GUCA1B: variants seen among roughly 807,000 people sequenced by gnomAD.
The protein encoded by GUCA1B is guanylyl cyclase-activating protein 2.
Under a neutral mutation model 24.2 loss-of-function variants are expected in GUCA1B, and 22 were observed. That is an observed-to-expected ratio of 0.91 (90% CI 0.65 to 1.30). The LOEUF is 1.30. GUCA1B is among the 50% of genes most tolerant of loss of function. The pLI, the probability that GUCA1B is intolerant of heterozygous loss-of-function variation, is 0.00. For synonymous variants in GUCA1B, 100 were observed against 97.9 expected (o/e 1.02, Z -0.13); for missense variants, 221 against 258.8 (o/e 0.85, Z 1.00).
chr6:42,193,590 GTCCGAAA>G (rs1485854344), intron 1 of GUCA1B, among the ~76,000 whole-genome samples: 1 of 152,220 alleles, frequency 6.6e-6, no homozygotes, highest in Non-Finnish European at 1.5e-5. Context: ...GCGCTGAGAA[GTCCGAAA>G]CTGGCTCTGT....
intron 1 of GUCA1B, 101 bp from the exon 2 acceptor site, chr6:42,188,832 A>C: frequency 6.2e-6 from 7 of 1,125,452 alleles, no homozygotes; most frequent in Non-Finnish European, 9.1e-6. Context: ...CTTTTAATCC[A>C]TGTGGCCTCT....
intron 1 of GUCA1B, 138 bp from the exon 2 acceptor site, chr6:42,188,869 C>A: frequency 6.8e-6 from 5 of 732,902 alleles, no homozygotes; most frequent in Non-Finnish European, 1.1e-5. Flanking sequence ...CTTTCTCCAC[C>A]CTTGGGGTAG....
chr6:42,188,917 C>CTA (rs59863444), intron 1 of GUCA1B, among the ~76,000 whole-genome samples, 186 bp from the exon 2 acceptor site: 2 of 146,258 alleles, frequency 1.4e-5, no homozygotes, highest in Admixed American at 6.7e-5. Context: ...TATATCATCT[C>CTA]TCTCTCTCTC....
chr6:42,188,912 C>CTATCTATCTATCT (rs60440417), intron 1 of GUCA1B, among the ~76,000 whole-genome samples, 181 bp from the exon 2 acceptor site: 1 of 85,104 alleles, frequency 1.2e-5, no homozygotes, highest in African/African-American at 7.5e-5. Flanking sequence ...ATATCTATAT[C>CTATCTATCTATCT]ATCTCTCTCT....
At chr6:42,189,860 G>T (rs1768272743) in intron 1 of GUCA1B, among the ~76,000 whole-genome samples, 1 of 152,222 alleles carries the variant, frequency 6.6e-6, no homozygotes, top group Non-Finnish European at 1.5e-5. Context: ...GCTGCTGTTG[G>T]TGGCTGCAGT....
chr6:42,194,365 A>T (rs1160655223), intron 1 of GUCA1B, among the ~76,000 whole-genome samples: 2 of 152,234 alleles, frequency 1.3e-5, no homozygotes, highest in Non-Finnish European at 2.9e-5. Flanking sequence ...AAGAGGACAC[A>T]GGGAGCATCA....
chr6:42,194,626 G>A lies in GUCA1B; in HGVS notation c.195C>T (p.Phe65=), dbSNP rs1006530048. The part of the protein sequence containing the change: ...SQYVEGMFRA[F]DKNGDNTIDF... ...CAGGGTGCCTTACCCCATTCTTGTC[G>A]AAGGCTCGGAACATGCCCTCTACAT... The change falls in exon 1 of 4, where the codon TTC becomes TTT. Residue 65 remains phenylalanine, a synonymous_variant. Coordinates refer to ENST00000230361, the MANE Select transcript of GUCA1B (RefSeq NM_002098.6). The A allele has an allele frequency of 3.1e-6, 5 of 1,610,458 alleles. No homozygotes were observed. Among genetic ancestry groups the A allele is most frequent in the Admixed American group, 1.7e-5 (1 of 60,012 alleles).
chr6:42,185,295 C>T (rs1768175087), intron 3 of GUCA1B, among the ~76,000 whole-genome samples: 1 of 152,116 alleles, frequency 6.6e-6, no homozygotes, highest in Non-Finnish European at 1.5e-5. Context: ...CCCAAGCAGC[C>T]TGAATGGAGG....
Position 42,194,683 on chromosome 6 carries a change from G to A in GUCA1B, c.138C>T (p.Phe46=), listed in dbSNP as rs1475014703. 6.2e-7 allele frequency: 1 copy of A among 1,613,732 alleles called. No homozygotes were observed. Among genetic ancestry groups the A allele is most frequent in the Non-Finnish European group, 8.5e-7 (1 of 1,179,764 alleles). The change falls in exon 1 of 4, where the codon TTC becomes TTT. Residue 46 remains phenylalanine, a synonymous_variant. Transcript: ENST00000230361. Reference sequence around the variant, plus strand: ...AGGCCTCCTCATCGTCTGTGACCTTGAAGAAGCGCTTAAACTCATGCATAA... The same window carrying A: ...AGGCCTCCTCATCGTCTGTGACCTTAAAGAAGCGCTTAAACTCATGCATAA... ...TLFMHEFKRF[F]KVTDDEEASQ... is the part of the protein sequence containing the mutation.
intron 2 of GUCA1B, among the ~76,000 whole-genome samples, chr6:42,186,411 G>T (rs1162386737): frequency 6.6e-6 from 1 of 152,138 alleles, no homozygotes; most frequent in African/African-American, 2.4e-5. Context: ...TGGCCAACAT[G>T]ATGAAATCCT....
Position 42,184,676 on chromosome 6 carries a change from A to C in GUCA1B, c.*139T>G. ...ACTTCAAACCCAGCAGCCCTTCCCC[A>C]TCCCCACTCAGCCCTGCACAGGGGG... On this transcript the variant is annotated 3_prime_UTR_variant, in exon 4 of 4. Transcript: ENST00000230361. 3 of 902,550 alleles carry C rather than the reference A, an allele frequency of 3.3e-6. No individual in the cohort carries two copies. Among genetic ancestry groups the C allele is most frequent in the South Asian group, 2.6e-5 (2 of 76,092 alleles). 55.9% of individuals were successfully genotyped at this position (902,550 alleles called of 1,614,324 possible). A position where few individuals can be genotyped will look rare whatever the true frequency, so the allele number is the denominator to read the frequency against.
At chr6:42,192,872 T>C (rs1473676264) in intron 1 of GUCA1B, among the ~76,000 whole-genome samples, 1 of 152,042 alleles carries the variant, frequency 6.6e-6, no homozygotes, top group Non-Finnish European at 1.5e-5. Flanking sequence ...AGAGCGAGAC[T>C]CTGTCTCAAA....
At chr6:42,192,428 C>T (rs1768327296) in intron 1 of GUCA1B, among the ~76,000 whole-genome samples, 1 of 143,760 alleles carries the variant, frequency 7.0e-6, no homozygotes, top group Non-Finnish European at 1.5e-5. Flanking sequence ...AGAAAGAAAC[C>T]TGGCCGGGTG....
chr6:42,192,385 G>A lies in GUCA1B; in HGVS notation c.207+2229C>T, dbSNP rs1253443945. ...AAAAAAAAAAAAAAAAAAAAAGAGA[G>A]AAAAGAAAAGAAAAGAAAAGAAAAA... On this transcript the variant is annotated intron_variant, in intron 1 of 3. Coordinates refer to ENST00000230361, the MANE Select transcript of GUCA1B (RefSeq NM_002098.6). Among the ~76,000 whole-genome samples the A allele has an allele frequency of 3.1e-3, 244 of 79,934 alleles. 9 individuals are homozygous for A. The highest frequency in any genetic ancestry group is 0.014 in the African/African-American group (185 of 13,224). 52.4% of individuals were successfully genotyped at this position (79,934 alleles called of 152,430 possible). A position where few individuals can be genotyped will look rare whatever the true frequency, so the allele number is the denominator to read the frequency against.
At chr6:42,192,017 T>A (rs1582334169) in intron 1 of GUCA1B, among the ~76,000 whole-genome samples, 2 of 102,628 alleles carry the variant, frequency 1.9e-5, no homozygotes, top group African/African-American at 4.1e-5. Context: ...ATACAACAAG[T>A]AAATGCAATG....
rs572116743 is a variant in GUCA1B at position 42,187,040 on chromosome 6, G to C, written c.358-1243C>G. 6.6e-5 allele frequency among the ~76,000 whole-genome samples: 10 copies of C among 152,208 alleles called. No individual in the cohort carries two copies. The South Asian group carries it at 8.3e-4, about 13-fold the overall frequency. ...TCTGATCTTCTTGACTTTTTCTCAT[G>C]CATTTGTGTTTTCTATTTTATTGAT... On this transcript the variant is annotated intron_variant, in intron 2 of 3. Transcript: ENST00000230361.
chr6:42,190,447 C>CT (rs34415875), intron 1 of GUCA1B, among the ~76,000 whole-genome samples: 4 of 145,796 alleles, frequency 2.7e-5, no homozygotes, highest in Non-Finnish European at 6.0e-5. Flanking sequence ...AAACAATGAA[C>CT]TTTTTTTTTG....
chr6:42,193,077 G>A (rs1768337502), intron 1 of GUCA1B, among the ~76,000 whole-genome samples: 3 of 150,396 alleles, frequency 2.0e-5, no homozygotes. Context: ...TGAATAACTG[G>A]GGAAATTTGG....
At position 42,185,847 on chromosome 6, in the gene GUCA1B, C is replaced by A. The variant is rs80082740; in HGVS notation, c.358-50G>T. The A allele has an allele frequency of 4.5e-4, 511 of 1,138,460 alleles. 2 individuals carry two copies. In the East Asian group the frequency reaches 9.1e-3, roughly 20 times the overall value. The allele number at this position is 1,138,460 out of a possible 1,614,324, so 70.5% of individuals were successfully genotyped here. On this transcript the variant is annotated intron_variant, in intron 2 of 3. Coordinates refer to ENST00000230361, the MANE Select transcript of GUCA1B (RefSeq NM_002098.6). ...TGACGGGAGACCCTGAAAGCTCCAC[C>A]TTCACCCCAGTGACCCACATCCCCC... is the stretch of plus-strand genomic sequence containing the variant.
Sources: gnomAD v4.1 joint callset for allele counts (sites outside exome capture counted in the v4.1 genomes callset) on GRCh38, gnomAD v4.1.1 for gene constraint, MANE v1.5 for transcripts, NCBI Gene and HGNC (gene_info 2026-07-23, HGNC 2026-07-21) for gene names.